Variants in MINDY4B observed in about 807,000 individuals in gnomAD.
MINDY4B encodes the protein MINDY family member 4B, also known as inactive ubiquitin carboxyl-terminal hydrolase MINDY-4B.
Under a neutral mutation model 16.7 loss-of-function variants are expected in MINDY4B, and 25 were observed. The observed-to-expected ratio is 1.49, with a 90% CI of 1.09 to 2.09. The LOEUF is 2.09. MINDY4B is among the 30% of genes most tolerant of loss of function. The pLI is 0.00. For missense variants in MINDY4B, 327 were observed against 168.4 expected (o/e 1.94, Z -5.21); for synonymous variants, 132 against 61.9 (o/e 2.13, Z -5.32).
Position 150,891,095 on chromosome 3 carries a change from T to C in MINDY4B, c.530A>G (p.Glu177Gly). The change falls in exon 6 of 12, where the codon GAA becomes GGA. Residue 177 changes from glutamate to glycine, a missense_variant. Physicochemically the swap from Glu to Gly is moderately conservative, Grantham distance 98 (BLOSUM62 -2). Coordinates refer to ENST00000465419, the MANE Select transcript of MINDY4B (RefSeq NM_001351281.2). Reference sequence around the variant, plus strand: ...TTGCTCCTGCTCCTTCTTGCTTATTTCACATAAGCTATAATGCAGAAGGCA... The same window carrying C: ...TTGCTCCTGCTCCTTCTTGCTTATTCCACATAAGCTATAATGCAGAAGGCA... ...GKDCNLGNLCEISKKEQEQAL... is the reference protein window; with the variant it reads ...GKDCNLGNLCGISKKEQEQAL... 1.4e-6 allele frequency: 1 copy of C among 702,194 alleles called. No individual in the cohort carries two copies. Among genetic ancestry groups the C allele is most frequent in the Non-Finnish European group, 2.6e-6 (1 of 384,334 alleles). The allele number at this position is 702,194 out of a possible 1,614,324, so 43.5% of individuals were successfully genotyped here. A position where few individuals can be genotyped will look rare whatever the true frequency, so the allele number is the denominator to read the frequency against.
chr3:150,882,466 TG>T (rs1711536787), intron 10 of MINDY4B, among the ~76,000 whole-genome samples: 1 of 136,732 alleles, frequency 7.3e-6, no homozygotes. Flanking sequence ...AATGAAGGAT[TG>T]GGAGGACACC....
At chr3:150,875,931 C>T (rs565555845) in intron 10 of MINDY4B, among the ~76,000 whole-genome samples, 3 of 152,284 alleles carry the variant, frequency 2.0e-5, no homozygotes, top group South Asian at 4.2e-4. Context: ...CTTGGCACAC[C>T]ATATAAGCAG....
chr3:150,874,080 A>C (rs1717034710), intron 10 of MINDY4B, among the ~76,000 whole-genome samples: 1 of 124,226 alleles, frequency 8.0e-6, no homozygotes, highest in Admixed American at 1.0e-4. Context: ...CAGTGGTGTG[A>C]TCTCGGCTCA....
chr3:150,882,818 A>G (rs139090708), intron 10 of MINDY4B, 79 bp downstream of exon 10: 2 of 548,760 alleles, frequency 3.6e-6, no homozygotes, highest in Non-Finnish European at 3.3e-6. Context: ...TCGGGTTTGA[A>G]TTGCCTAAAT....
intron 2 of MINDY4B, among the ~76,000 whole-genome samples, chr3:150,904,770 T>C (rs1161120662): frequency 4.6e-5 from 7 of 152,268 alleles, no homozygotes; most frequent in Admixed American, 4.6e-4. Context: ...GAATCCAGTG[T>C]TATTTCACAA....
intron 4 of MINDY4B, 44 bp downstream of exon 4, chr3:150,894,142 A>G: frequency 1.5e-6 from 1 of 657,060 alleles, no homozygotes; most frequent in Non-Finnish European, 2.7e-6. Context: ...ATGGATAAGG[A>G]ACATGGGAAT....
chr3:150,880,855 G>C (rs1711515930), intron 10 of MINDY4B, among the ~76,000 whole-genome samples: 1 of 152,126 alleles, frequency 6.6e-6, no homozygotes, highest in African/African-American at 2.4e-5. Context: ...TTAGACCACG[G>C]ACACCAAGTG....
intron 7 of MINDY4B, among the ~76,000 whole-genome samples, chr3:150,887,475 ATCAT>A (rs1413831415): frequency 1.3e-5 from 2 of 152,242 alleles, no homozygotes; most frequent in Non-Finnish European, 2.9e-5. Context: ...GGATGTGGAC[ATCAT>A]TCAGTCTATC....
intron 4 of MINDY4B, among the ~76,000 whole-genome samples, chr3:150,893,959 G>A (rs778240504): frequency 6.6e-6 from 1 of 152,124 alleles, no homozygotes; most frequent in Non-Finnish European, 1.5e-5. Context: ...CCAAACAGCT[G>A]GGATTACAGG....
At position 150,893,398 on chromosome 3, in the gene MINDY4B, A is replaced by T; in HGVS notation, c.447T>A (p.Ile149=). The part of the protein sequence containing the change: ...LEVGKGGARS[I]QMAVQGSIIK... ...TGATGGATCCTTGCACAGCCATCTGAATGCTTCGGGCCCCTCCCTGAAATG... is the reference window on the plus strand; with the variant it reads ...TGATGGATCCTTGCACAGCCATCTGTATGCTTCGGGCCCCTCCCTGAAATG... Residue 149 remains isoleucine, a synonymous_variant, in exon 5 of 12, where the codon ATT becomes ATA. Transcript: ENST00000465419. 2.8e-6 allele frequency: 2 copies of T among 702,738 alleles called. No individual in the cohort carries two copies. Among genetic ancestry groups the T allele is most frequent in the South Asian group, 1.5e-5 (1 of 67,580 alleles). The allele number at this position is 702,738 out of a possible 1,614,324, so 43.5% of individuals were successfully genotyped here.
intron 9 of MINDY4B, 149 bp downstream of exon 9, chr3:150,883,551 C>A (rs1431121355): frequency 6.6e-6 from 4 of 602,348 alleles, no homozygotes; most frequent in Non-Finnish European, 1.2e-5. Context: ...CAAAGATAAC[C>A]GGATTGCTCT....
At chr3:150,883,914 C>T in intron 8 of MINDY4B, 142 bp from the exon 9 acceptor site, 1 of 609,448 alleles carries the variant, frequency 1.6e-6, no homozygotes, top group East Asian at 2.7e-5. Flanking sequence ...CCATCTCTCA[C>T]AGGGAAAGCC....
rs2107912986 is a variant in MINDY4B, at chr3:150,903,398, T to C, written c.160A>G (p.Thr54Ala). 1 of 398,526 alleles carries C rather than the reference T, an allele frequency of 2.5e-6. No homozygotes were observed. Among genetic ancestry groups the C allele is most frequent in the Non-Finnish European group, 4.4e-6 (1 of 226,004 alleles). The allele number at this position is 398,526 out of a possible 1,614,324, so 24.7% of individuals were successfully genotyped here. Reference protein sequence around the residue: ...STPQNHEGNHTSADENEDGTG... With the variant: ...STPQNHEGNHASADENEDGTG... Reference sequence around the variant, plus strand: ...CCATCTTCATTTTCATCAGCAGATGTATGGTTGCCTTCATGATTCTGTGCA... The same window carrying C: ...CCATCTTCATTTTCATCAGCAGATGCATGGTTGCCTTCATGATTCTGTGCA... Residue 54 changes from threonine (T) to alanine (A), a missense_variant, in exon 3 of 12, where the codon ACA (threonine) becomes GCA (alanine). Transcript: ENST00000465419.
At chr3:150,899,750 C>A (rs1481565244) in intron 3 of MINDY4B, among the ~76,000 whole-genome samples, 1 of 152,126 alleles carries the variant, frequency 6.6e-6, no homozygotes, top group East Asian at 1.9e-4. Flanking sequence ...AAAGGACACC[C>A]CTACTCTAGT....
intron 3 of MINDY4B, among the ~76,000 whole-genome samples, chr3:150,895,056 G>T (rs747821737): frequency 5.9e-5 from 9 of 152,306 alleles, no homozygotes; most frequent in Non-Finnish European, 1.3e-4. Context: ...CTGGTCAATG[G>T]CATCTAGCAT....
At chr3:150,872,989 T>C (rs762743071) in intron 11 of MINDY4B, among the ~76,000 whole-genome samples, 198 bp downstream of exon 11, 1 of 152,204 alleles carries the variant, frequency 6.6e-6, no homozygotes, top group Admixed American at 6.5e-5. Flanking sequence ...TGCTCCTAGG[T>C]AAAGCAGATT....
Position 150,871,018 on chromosome 3 carries a change from G to A in MINDY4B, c.*27C>T, listed in dbSNP as rs1479287215. On this transcript the variant is annotated 3_prime_UTR_variant, in exon 12 of 12. Coordinates refer to ENST00000465419, the MANE Select transcript of MINDY4B (RefSeq NM_001351281.2). ...GCATCCCAGCAGTTCTGACACTTCA[G>A]ACTTCATTGCACAGCCTAGTTTCCC... 2.9e-6 allele frequency: 2 copies of A among 699,034 alleles called. No homozygotes were observed. The highest frequency in any genetic ancestry group is 5.2e-6 in the Non-Finnish European group (2 of 382,992). 43.3% of individuals were successfully genotyped at this position (699,034 alleles called of 1,614,324 possible). A position where few individuals can be genotyped will look rare whatever the true frequency, so the allele number is the denominator to read the frequency against.
chr3:150,884,646 G>A (rs1711578453), intron 8 of MINDY4B, among the ~76,000 whole-genome samples: 1 of 148,802 alleles, frequency 6.7e-6, no homozygotes, highest in South Asian at 2.1e-4. Flanking sequence ...AGCATAAAAT[G>A]TGATGGCGGT....
At chr3:150,873,500 T>C (rs959666907) in intron 10 of MINDY4B, 133 bp from the exon 11 acceptor site, 3 of 555,020 alleles carry the variant, frequency 5.4e-6, no homozygotes, top group Non-Finnish European at 9.6e-6. Flanking sequence ...GCACTGTACA[T>C]AGAGCAAGAT....
Sources: allele counts gnomAD v4.1 joint callset (sites outside exome capture counted in the v4.1 genomes callset), GRCh38; gene constraint gnomAD v4.1.1; transcripts MANE v1.5; gene names NCBI Gene and HGNC (gene_info 2026-07-23, HGNC 2026-07-21).